MAP7D1: variants seen among roughly 807,000 people sequenced by gnomAD.
MAP7D1 encodes MAP7 domain containing 1, also known as MAP7 domain-containing protein 1.
In MAP7D1, 30 loss-of-function variants were observed where a neutral mutation model predicts 97.5. The observed-to-expected ratio is 0.31, with a 90% CI of 0.23 to 0.42. MAP7D1 has a LOEUF of 0.42. Ranked by LOEUF, MAP7D1 falls within the 10% of genes least tolerant of loss-of-function variation. The pLI is 1.00. For synonymous variants in MAP7D1, 536 were observed against 477.1 expected (o/e 1.12, Z -1.61); for missense variants, 1,184 against 1,179.5 (o/e 1.00, Z -0.06).
chr1:36,159,994 G>T lies in MAP7D1; in HGVS notation c.46+3531G>T, dbSNP rs543390174. 2.0e-5 allele frequency among the ~76,000 whole-genome samples: 3 copies of T among 152,360 alleles called. No homozygotes were observed. Among genetic ancestry groups the T allele is most frequent in the South Asian group, 4.1e-4 (2 of 4,830 alleles). Reference sequence around the variant, plus strand: ...TGGAAGGGATACTAGGCCAGCTCAGGTCCCCTTTCCTAACATGATAGTGGG... The same window carrying T: ...TGGAAGGGATACTAGGCCAGCTCAGTTCCCCTTTCCTAACATGATAGTGGG... On this transcript the variant is annotated intron_variant, in intron 1 of 16. Coordinates refer to ENST00000474796, the MANE Select transcript of MAP7D1 (RefSeq NM_001388490.1). The surrounding 1 kb of genome is among the most constrained non-coding windows in gnomAD (Gnocchi z 5.4).
At chr1:36,179,095 C>T in intron 12 of MAP7D1, 70 bp downstream of exon 12, 1 of 1,517,012 alleles carries the variant, frequency 6.6e-7, no homozygotes, top group African/African-American at 1.4e-5. Context: ...GGGGCCTGGG[C>T]TTAGAGCGGA....
Position 36,176,451 on chromosome 1 carries a change from G to C in MAP7D1, c.1103G>C (p.Ser368Thr). 6.6e-7 allele frequency: 1 copy of C among 1,507,442 alleles called. No homozygotes were observed. Among genetic ancestry groups the C allele is most frequent in the Non-Finnish European group, 8.8e-7 (1 of 1,135,780 alleles). 93.4% of individuals were successfully genotyped at this position (1,507,442 alleles called of 1,614,324 possible). A position where few individuals can be genotyped will look rare whatever the true frequency, so the allele number is the denominator to read the frequency against. Reference sequence around the variant, plus strand: ...GTGTGCCCGCGCTCGGCCTCCGCCAGCCCCCTGACGCCGTGCAGCGTCACC... The same window carrying C: ...GTGTGCCCGCGCTCGGCCTCCGCCACCCCCCTGACGCCGTGCAGCGTCACC... ...VPVCPRSASASPLTPCSVTRS... is the reference protein window; with the variant it reads ...VPVCPRSASATPLTPCSVTRS... The change falls in exon 7 of 17, where the codon AGC becomes ACC. Residue 368 changes from serine (S) to threonine (T), a missense_variant. By Grantham distance (58) the Ser-to-Thr change is moderately conservative. Coordinates refer to ENST00000474796, the MANE Select transcript of MAP7D1 (RefSeq NM_001388490.1). This position sits in a 1 kb window ranked among gnomAD's most constrained non-coding sequence, Gnocchi z 6.1.
At chr1:36,177,824 G>T (rs761486908) in intron 8 of MAP7D1, 49 bp from the exon 9 acceptor site, 3 of 1,520,104 alleles carry the variant, frequency 2.0e-6, no homozygotes, top group Admixed American at 4.5e-5. Context: ...AGTTCTCAGC[G>T]TGTGGGTGTG....
chr1:36,179,564 C>G lies in MAP7D1; in HGVS notation c.2227+7C>G, dbSNP rs1183916956. On this transcript the variant is annotated splice_region_variant and intron_variant, in intron 14 of 16. Transcript: ENST00000474796. ...GCCAACGGTTCCAGCCCAGGTAAAG[C>G]CCCCATTCCTCTCGCCTCCCTTCCC... 1.3e-6 allele frequency: 2 copies of G among 1,564,252 alleles called. No individual in the cohort carries two copies. Among genetic ancestry groups the G allele is most frequent in the Non-Finnish European group, 1.7e-6 (2 of 1,153,440 alleles).
In MAP7D1 at chr1:36,159,952, C is replaced by T. The variant is rs920818447; in HGVS notation, c.46+3489C>T. ...CTAATGAGCCCCTAATGTGCAGTCA[C>T]GCATATGCAAATGAGGTGGAAGGGA... On this transcript the variant is annotated intron_variant, in intron 1 of 16. Coordinates refer to ENST00000474796, the MANE Select transcript of MAP7D1 (RefSeq NM_001388490.1). The surrounding 1 kb of genome is among the most constrained non-coding windows in gnomAD (Gnocchi z 5.4). Among the ~76,000 whole-genome samples, 14 of 152,150 alleles carry T rather than the reference C, an allele frequency of 9.2e-5. No homozygotes were observed. Among genetic ancestry groups the T allele is most frequent in the African/African-American group, 1.4e-4 (6 of 41,420 alleles).
rs552588202 is a variant in MAP7D1 at position 36,156,450 on chromosome 1, G to A, written c.33G>A (p.Ala11=). 8.8e-6 allele frequency: 13 copies of A among 1,472,462 alleles called. No homozygotes were observed. In the Admixed American group the frequency reaches 3.0e-4, roughly 34 times the overall value. 91.2% of individuals were successfully genotyped at this position (1,472,462 alleles called of 1,614,324 possible). ...GCGGCCCGCGTGCGGAGCTGGGGGC[G>A]GGCGCACCCCCAGGTATGCCGGGAG... The part of the protein sequence containing the change: MESGPRAELG[A]GAPPAVVART... The change falls in exon 1 of 17, where the codon GCG becomes GCA. Residue 11 remains alanine (A), a synonymous_variant. Transcript: ENST00000474796.
At position 36,176,263 on chromosome 1, in the gene MAP7D1, C is replaced by T. The variant is rs749649372; in HGVS notation, c.915C>T (p.Leu305=). The T allele has an allele frequency of 5.0e-6, 8 of 1,607,656 alleles. No individual in the cohort carries two copies. The highest frequency in any genetic ancestry group is 1.3e-5 in the African/African-American group (1 of 74,628). ...SIVDRLMTPT[L]SFLARSRSAV... ...TGGATCGTCTGATGACGCCCACTCT[C>T]TCCTTCCTTGCTCGGAGTCGCAGCG... The change falls in exon 7 of 17, where the codon CTC becomes CTT. Residue 305 remains leucine (L), a synonymous_variant. Transcript: ENST00000474796. This position sits in a 1 kb window ranked among gnomAD's most constrained non-coding sequence, Gnocchi z 6.1.
At position 36,178,932 on chromosome 1, in the gene MAP7D1, C is replaced by A; in HGVS notation, c.2037C>A (p.Ala679=). The A allele has an allele frequency of 6.4e-7, 1 of 1,555,362 alleles. No homozygotes were observed. Among genetic ancestry groups the A allele is most frequent in the South Asian group, 1.2e-5 (1 of 84,322 alleles). The change falls in exon 12 of 17, where the codon GCC becomes GCA. Residue 679 remains alanine, a synonymous_variant. Transcript: ENST00000474796. Reference sequence around the variant, plus strand: ...GGGGTCTTTGGCAGAAAGAGGAGGCCGAAGCTCGGTCGCGGGAAGAGGCGG... The same window carrying A: ...GGGGTCTTTGGCAGAAAGAGGAGGCAGAAGCTCGGTCGCGGGAAGAGGCGG... ...QERLQKQKEE[A]EARSREEAER...
chr1:36,161,465 ACT>A (rs1644407932), intron 1 of MAP7D1, among the ~76,000 whole-genome samples: 1 of 152,238 alleles, frequency 6.6e-6, no homozygotes, highest in African/African-American at 2.4e-5. Context: ...CAGCTTTGCT[ACT>A]CACTAGCTGT....
chr1:36,172,555 G>T lies in MAP7D1; in HGVS notation c.552G>T (p.Glu184Asp). ...QLQERRRRLEEQRLKAEQRRA... is the reference protein window; with the variant it reads ...QLQERRRRLEDQRLKAEQRRA... ...AGGAGCGCCGGCGCCGGCTGGAGGA[G>T]CAACGTCTTAAAGCCGAGCAACGCC... Residue 184 changes from glutamate (E) to aspartate (D), a missense_variant, in exon 4 of 17, where the codon GAG (glutamate) becomes GAT (aspartate). Glu to Asp is a conservative substitution (Grantham distance 45). Transcript: ENST00000474796. The T allele has an allele frequency of 6.2e-7, 1 of 1,603,890 alleles. No individual in the cohort carries two copies. Among genetic ancestry groups the T allele is most frequent in the Non-Finnish European group, 8.5e-7 (1 of 1,172,254 alleles).
intron 1 of MAP7D1, among the ~76,000 whole-genome samples, chr1:36,169,759 G>A (rs1289477961): frequency 1.3e-5 from 2 of 152,216 alleles, no homozygotes; most frequent in East Asian, 1.9e-4. Flanking sequence ...AGTGCTGTTT[G>A]CTGGCTGGCA....
At chr1:36,172,287 C>G (rs1274550397) in intron 3 of MAP7D1, 177 bp from the exon 4 acceptor site, 3 of 551,506 alleles carry the variant, frequency 5.4e-6, no homozygotes, top group Non-Finnish European at 9.1e-6. Flanking sequence ...TGAGTCCTGT[C>G]TTCAGTAAGC....
intron 1 of MAP7D1, among the ~76,000 whole-genome samples, chr1:36,165,473 T>G (rs1005280528): frequency 2.0e-5 from 3 of 151,104 alleles, no homozygotes; most frequent in African/African-American, 7.3e-5. Context: ...TCTTTTTTTT[T>G]TTTTTTAGAG....
rs757204765 is a variant in MAP7D1 at position 36,176,744 on chromosome 1, G to T, written c.1281G>T (p.Glu427Asp). The change falls in exon 8 of 17, where the codon GAG becomes GAT. Residue 427 changes from glutamate to aspartate, a missense_variant. Transcript: ENST00000474796. This position sits in a 1 kb window ranked among gnomAD's most constrained non-coding sequence, Gnocchi z 6.1. ...KKDKERENEK[E>D]KSALARERSL... ...ACAAGGAGCGGGAAAACGAGAAGGAGAAGAGTGCCCTAGCCCGGGAGCGCA... is the reference window on the plus strand; with the variant it reads ...ACAAGGAGCGGGAAAACGAGAAGGATAAGAGTGCCCTAGCCCGGGAGCGCA... The T allele has an allele frequency of 1.2e-6, 2 of 1,604,914 alleles. No individual in the cohort carries two copies. The highest frequency in any genetic ancestry group is 8.5e-7 in the Non-Finnish European group (1 of 1,176,398).
chr1:36,179,957 A>C lies in MAP7D1; in HGVS notation c.2402A>C (p.Asn801Thr). The C allele has an allele frequency of 6.2e-7, 1 of 1,614,164 alleles. No homozygotes were observed. Among genetic ancestry groups the C allele is most frequent in the Non-Finnish European group, 8.5e-7 (1 of 1,180,006 alleles). The change falls in exon 16 of 17, where the codon AAC (asparagine) becomes ACC (threonine). Residue 801 changes from asparagine to threonine, a missense_variant. Transcript: ENST00000474796. ...CACCAGGAGAATGGCTTCTCCACCAACGGACCCTCTGGGGACAAGAGTCTG... is the reference window on the plus strand; with the variant it reads ...CACCAGGAGAATGGCTTCTCCACCACCGGACCCTCTGGGGACAAGAGTCTG... ...PAHQENGFST[N>T]GPSGDKSLSR... is the part of the protein sequence containing the mutation.
Position 36,171,284 on chromosome 1 carries a change from G to A in MAP7D1, c.360G>A (p.Val120=), listed in dbSNP as rs1264717290. The change falls in exon 2 of 17, where the codon GTG becomes GTA. Residue 120 remains valine, a synonymous_variant. Coordinates refer to ENST00000474796, the MANE Select transcript of MAP7D1 (RefSeq NM_001388490.1). ...RRSSQPSPTA[V]PASDSPPTKQ... ...GCAGCCAGCCATCTCCAACAGCAGT[G>A]CCAGCCTCCGACAGCCCTCCCACCA... The A allele has an allele frequency of 3.2e-6, 5 of 1,577,318 alleles. No homozygotes were observed. In the South Asian group the frequency reaches 3.5e-5, roughly 11 times the overall value.
chr1:36,178,423 T>C lies in MAP7D1; in HGVS notation c.1713T>C (p.Ala571=), dbSNP rs1452481514. ...EQPPAETPTD[A]AVLTSPPAPA... ...TGATCCCGGATCCCCCTCCAGACGC[T>C]GCTGTCTTGACCTCACCCCCAGCCC... The change falls in exon 10 of 17, where the codon GCT becomes GCC. Residue 571 remains alanine, a synonymous_variant. Transcript: ENST00000474796. 1 of 1,609,840 alleles carries C rather than the reference T, an allele frequency of 6.2e-7. No homozygotes were observed. The highest frequency in any genetic ancestry group is 8.5e-7 in the Non-Finnish European group (1 of 1,178,996).
intron 1 of MAP7D1, among the ~76,000 whole-genome samples, chr1:36,161,097 G>A (rs970624369): frequency 3.3e-5 from 5 of 152,326 alleles, no homozygotes; most frequent in South Asian, 2.1e-4. Context: ...AACAATGGCC[G>A]CCAGCCGGGC....
intron 4 of MAP7D1, among the ~76,000 whole-genome samples, chr1:36,173,136 G>A (rs1644570577): frequency 6.6e-6 from 1 of 152,244 alleles, no homozygotes; most frequent in South Asian, 2.1e-4. Flanking sequence ...CATGCACTCA[G>A]GAAATGACTC....
Sources: allele counts gnomAD v4.1 joint callset (sites outside exome capture counted in the v4.1 genomes callset), GRCh38; gene constraint gnomAD v4.1.1; non-coding constraint Gnocchi (gnomAD v3.1); transcripts MANE v1.5; gene names NCBI Gene and HGNC (gene_info 2026-07-23, HGNC 2026-07-21).